PTK2B: variants seen among roughly 807,000 people sequenced by gnomAD.
PTK2B encodes protein-tyrosine kinase 2-beta.
Under a neutral mutation model 142.9 loss-of-function variants are expected in PTK2B, and 71 were observed. That is an observed-to-expected ratio of 0.50 (90% CI 0.41 to 0.61). The LOEUF (loss-of-function observed/expected upper bound fraction) is 0.61, where lower values mean the gene tolerates loss of function less well. Ranked by LOEUF, PTK2B falls within the 20% of genes least tolerant of loss-of-function variation. The pLI, the probability that PTK2B is intolerant of heterozygous loss-of-function variation, is 0.00. For missense variants in PTK2B, 1,105 were observed against 1,320.4 expected (o/e 0.84, Z 2.53); for synonymous variants, 519 against 503.4 (o/e 1.03, Z -0.42).
chr8:27,417,207 A>G (rs2322716), intron 2 of PTK2B, among the ~76,000 whole-genome samples: 126,167 of 152,236 alleles, frequency 0.83, 52,845 homozygotes, highest in Middle Eastern at 0.95. Context: ...GCAGAAGACC[A>G]AATCAACATA....
chr8:27,405,070 T>TCTCTCTCTCTCTCTCTCTCTCTC (rs1554498574), intron 2 of PTK2B, among the ~76,000 whole-genome samples: 2 of 62,976 alleles, frequency 3.2e-5, no homozygotes, highest in Non-Finnish European at 6.9e-5. Flanking sequence ...CTCTCTCTCT[T>TCTCTCTCTCTCTCTCTCTCTCTC]AGCCATGTGA....
At chr8:27,428,317 G>T (rs929347540) in intron 5 of PTK2B, among the ~76,000 whole-genome samples, 2 of 152,198 alleles carry the variant, frequency 1.3e-5, no homozygotes, top group Non-Finnish European at 2.9e-5. Context: ...CTTCCTAACA[G>T]GCCAGGACCG....
intron 1 of PTK2B, among the ~76,000 whole-genome samples, chr8:27,338,257 G>T (rs887108635): frequency 6.6e-6 from 1 of 152,124 alleles, no homozygotes; most frequent in East Asian, 1.9e-4. Context: ...TTTAGACAAT[G>T]ATCTTTTAAA....
intron 24 of PTK2B, among the ~76,000 whole-genome samples, chr8:27,447,254 A>G (rs1811528212): frequency 6.6e-6 from 1 of 152,238 alleles, no homozygotes; most frequent in Non-Finnish European, 1.5e-5. Flanking sequence ...AAATCTGCCT[A>G]AAAGAACATA....
At chr8:27,373,069 G>A (rs1806457472) in intron 1 of PTK2B, among the ~76,000 whole-genome samples, 1 of 152,076 alleles carries the variant, frequency 6.6e-6, no homozygotes, top group African/African-American at 2.4e-5. Flanking sequence ...GATACCCACT[G>A]GCCTATCGGC....
upstream of PTK2B, chr8:27,311,199 G>T: frequency 4.4e-6 from 7 of 1,595,240 alleles, no homozygotes; most frequent in Non-Finnish European, 6.0e-6. Flanking sequence ...TTGAAGGAGC[G>T]GGAAGGCCCG....
chr8:27,348,904 G>A (rs1804876588), intron 1 of PTK2B, among the ~76,000 whole-genome samples: 1 of 152,100 alleles, frequency 6.6e-6, no homozygotes, highest in Non-Finnish European at 1.5e-5. Context: ...TCCATTTGGA[G>A]GCTGTTCTTC....
chr8:27,453,240 A>C (rs1402815116), intron 28 of PTK2B, 80 bp downstream of exon 28: 2 of 1,558,142 alleles, frequency 1.3e-6, no homozygotes, highest in East Asian at 4.5e-5. Flanking sequence ...TGAAAGATTC[A>C]CAGTTCTCAG....
At chr8:27,416,504 T>G (rs1809409182) in intron 2 of PTK2B, among the ~76,000 whole-genome samples, 1 of 148,144 alleles carries the variant, frequency 6.8e-6, no homozygotes, top group Non-Finnish European at 1.5e-5. Context: ...TCACAATAGA[T>G]CACAAAACTA....
At chr8:27,434,478 A>G in intron 12 of PTK2B, 35 bp from the exon 13 acceptor site, 1 of 1,596,176 alleles carries the variant, frequency 6.3e-7, no homozygotes, top group Non-Finnish European at 8.5e-7. Flanking sequence ...CCGGCCTCTG[A>G]GCTCACCTGG....
intron 1 of PTK2B, chr8:27,380,608 C>T (rs977354384): frequency 1.1e-4 from 16 of 152,056 alleles, no homozygotes; most frequent in Non-Finnish European, 1.8e-4. Flanking sequence ...GAAACTAAAA[C>T]TGAAACCACA....
Position 27,397,650 on chromosome 8 carries a change from T to C in PTK2B, c.66T>C (p.Pro22=). The change falls in exon 2 of 31, where the codon CCT becomes CCC. Residue 22 remains proline (P), a synonymous_variant. Transcript: ENST00000346049. ...GCACGTTACGCCGGCCTGAAGGCCC[T>C]GCAGAGCCCATGGTGGTGGTACCAG... is the stretch of plus-strand genomic sequence containing the variant. ...KLGTLRRPEG[P]AEPMVVVPVD... is the part of the protein sequence containing the mutation. 1 of 1,614,258 alleles carries C rather than the reference T, an allele frequency of 6.2e-7. No homozygotes were observed. The highest frequency in any genetic ancestry group is 8.5e-7 in the Non-Finnish European group (1 of 1,180,044).
At chr8:27,443,737 C>T (rs1811300394) in intron 22 of PTK2B, among the ~76,000 whole-genome samples, 1 of 152,216 alleles carries the variant, frequency 6.6e-6, no homozygotes, top group Admixed American at 6.5e-5. Flanking sequence ...GACAAATATT[C>T]AGTCCATAAC....
chr8:27,436,212 G>T (rs202119472), intron 14 of PTK2B, 39 bp from the exon 15 acceptor site: 4 of 1,600,924 alleles, frequency 2.5e-6, no homozygotes, highest in South Asian at 1.1e-5. Context: ...GGATACCACC[G>T]ATCTCTGTGA....
intron 21 of PTK2B, among the ~76,000 whole-genome samples, chr8:27,442,162 T>A (rs989010553): frequency 6.6e-6 from 1 of 152,228 alleles, no homozygotes; most frequent in South Asian, 2.1e-4. Flanking sequence ...ATTTTAAAAA[T>A]CTTTTGCTGA....
chr8:27,357,883 A>T (rs1238863009), intron 1 of PTK2B, among the ~76,000 whole-genome samples: 1 of 152,120 alleles, frequency 6.6e-6, no homozygotes, highest in Non-Finnish European at 1.5e-5. Flanking sequence ...AGCCTCATGG[A>T]GATTATGTCA....
chr8:27,393,467 G>A (rs977480184), intron 1 of PTK2B, among the ~76,000 whole-genome samples: 1 of 151,962 alleles, frequency 6.6e-6, no homozygotes, highest in Non-Finnish European at 1.5e-5. Flanking sequence ...GGAGAGTGAG[G>A]AAGATAAGAC....
chr8:27,389,489 G>A (rs1157414027), intron 1 of PTK2B, among the ~76,000 whole-genome samples: 1 of 152,164 alleles, frequency 6.6e-6, no homozygotes, highest in East Asian at 1.9e-4. Context: ...GAGGGGAGGA[G>A]AGGTTCCTTT....
At chr8:27,383,069 T>A (rs923265957) in intron 1 of PTK2B, among the ~76,000 whole-genome samples, 6 of 152,216 alleles carry the variant, frequency 3.9e-5, no homozygotes, top group African/African-American at 1.4e-4. Context: ...TTTAAGATTG[T>A]CTTTTCTATC....
Sources: gnomAD v4.1 joint callset for allele counts (sites outside exome capture counted in the v4.1 genomes callset) on GRCh38, gnomAD v4.1.1 for gene constraint, MANE v1.5 for transcripts, NCBI Gene and HGNC (gene_info 2026-07-23, HGNC 2026-07-21) for gene names.